Variants in FYB1 observed in about 807,000 individuals in gnomAD.
FYB1 encodes FYN binding protein 1.
In FYB1, 41 loss-of-function variants were observed where a neutral mutation model predicts 94.1. That is an observed-to-expected ratio of 0.44 (90% CI 0.34 to 0.57). The LOEUF is 0.57. Ranked by LOEUF, FYB1 falls within the 20% of genes least tolerant of loss-of-function variation. The pLI is 0.02. For missense variants in FYB1, 1,050 were observed against 976.8 expected, an observed-to-expected ratio of 1.07 and a Z score of -1.00; for synonymous variants, 367 against 353.2, an observed-to-expected ratio of 1.04 and a Z score of -0.44.
intron 1 of FYB1, among the ~76,000 whole-genome samples, chr5:39,265,719 C>G (rs1561318971): frequency 6.6e-6 from 1 of 152,104 alleles, no homozygotes; most frequent in Non-Finnish European, 1.5e-5. Flanking sequence ...CTTGACCCTC[C>G]CAGTGATTCT....
intron 16 of FYB1, among the ~76,000 whole-genome samples, chr5:39,115,772 A>T (rs1739505021): frequency 6.6e-6 from 1 of 152,202 alleles, no homozygotes; most frequent in African/African-American, 2.4e-5. Flanking sequence ...AGGAAAAATA[A>T]AAATGAAAGT....
intron 1 of FYB1, among the ~76,000 whole-genome samples, chr5:39,205,652 A>T (rs966749746): frequency 6.6e-6 from 1 of 152,170 alleles, no homozygotes; most frequent in African/African-American, 2.4e-5. Context: ...TTTAGAAAAT[A>T]TGGAAGTGGT....
At chr5:39,146,601 C>A (rs567809611) in intron 3 of FYB1, among the ~76,000 whole-genome samples, 19 of 152,148 alleles carry the variant, frequency 1.2e-4, no homozygotes, top group African/African-American at 4.3e-4. Flanking sequence ...ATCAAAAAGA[C>A]CACCAGATTT....
intron 1 of FYB1, among the ~76,000 whole-genome samples, chr5:39,239,215 G>C (rs1293247819): frequency 1.3e-5 from 2 of 151,988 alleles, no homozygotes; most frequent in Non-Finnish European, 2.9e-5. Flanking sequence ...ATACTAAATG[G>C]GCAAAAGCTG....
chr5:39,132,578 T>C lies in FYB1; in HGVS notation c.1817+1630A>G, dbSNP rs189430821. On this transcript the variant is annotated intron_variant, in intron 9 of 18. Transcript: ENST00000512982. ...ATGTTTACTAAAGTAGAGCAGGTTT[T>C]TAGAGTCGTGGTATGTATGGATTCA... 4.6e-5 allele frequency among the ~76,000 whole-genome samples: 7 copies of C among 152,320 alleles called. No homozygotes were observed. In the East Asian group the frequency reaches 1.3e-3, roughly 29 times the overall value.
At chr5:39,262,618 C>G (rs983584727) in intron 1 of FYB1, among the ~76,000 whole-genome samples, 1 of 151,910 alleles carries the variant, frequency 6.6e-6, no homozygotes, top group African/African-American at 2.4e-5. Flanking sequence ...GTTCTCATAC[C>G]CTCTATGCCA....
upstream of FYB1, among the ~76,000 whole-genome samples, chr5:39,219,810 G>A (rs900225501): frequency 6.6e-6 from 1 of 152,190 alleles, no homozygotes. Context: ...CTGCCACCAT[G>A]TTTATTCAAG....
chr5:39,233,030 G>A (rs1287873297), intron 1 of FYB1, among the ~76,000 whole-genome samples: 2 of 151,970 alleles, frequency 1.3e-5, no homozygotes, highest in Admixed American at 6.6e-5. Flanking sequence ...AGAAACATAC[G>A]TGTGCATGTG....
intron 1 of FYB1, among the ~76,000 whole-genome samples, chr5:39,243,284 T>G (rs1353006203): frequency 6.6e-6 from 1 of 152,062 alleles, no homozygotes; most frequent in Non-Finnish European, 1.5e-5. Flanking sequence ...GTCTAACATT[T>G]AAGTCTTTAA....
At position 39,119,068 on chromosome 5, in the gene FYB1, G is replaced by T. The variant is rs768292669; in HGVS notation, c.2239-32C>A. The T allele has an allele frequency of 2.9e-5, 31 of 1,076,828 alleles. 1 individual carries two copies. In the South Asian group the frequency reaches 5.7e-4, roughly 20 times the overall value. The allele number at this position is 1,076,828 out of a possible 1,614,324, so 66.7% of individuals were successfully genotyped here. A position where few individuals can be genotyped will look rare whatever the true frequency, so the allele number is the denominator to read the frequency against. On this transcript the variant is annotated intron_variant, in intron 15 of 18. Transcript: ENST00000512982. The stretch of plus-strand genomic sequence containing the variant: ...AAAAAAGAACAATATTTAAATTATT[G>T]GTTTATGTGCATTATTGAAACAACT...
intron 2 of FYB1, among the ~76,000 whole-genome samples, chr5:39,187,018 T>C (rs1463959026): frequency 6.6e-6 from 1 of 152,062 alleles, no homozygotes; most frequent in Non-Finnish European, 1.5e-5. Context: ...TCTTAACTCA[T>C]GATAAAAAAA....
intron 1 of FYB1, among the ~76,000 whole-genome samples, chr5:39,212,271 G>A (rs1361006020): frequency 6.6e-6 from 1 of 151,934 alleles, no homozygotes; most frequent in Non-Finnish European, 1.5e-5. Context: ...ATGCACCACT[G>A]TACTCTAGCC....
At chr5:39,113,988 T>C (rs1739306440) in intron 16 of FYB1, among the ~76,000 whole-genome samples, 1 of 152,098 alleles carries the variant, frequency 6.6e-6, no homozygotes, top group Admixed American at 6.6e-5. Context: ...ACATTTTAAC[T>C]CTCTAAATTT....
At chr5:39,265,520 G>A (rs192158566) in intron 1 of FYB1, among the ~76,000 whole-genome samples, 36 of 150,936 alleles carry the variant, frequency 2.4e-4, no homozygotes, top group African/African-American at 8.3e-4. Context: ...AGCTGGGGAT[G>A]GTGGTGGGCA....
chr5:39,195,417 A>G lies in FYB1; in HGVS notation c.1135+6409T>C, dbSNP rs371452517. Among the ~76,000 whole-genome samples, 587 of 152,332 alleles carry G rather than the reference A, an allele frequency of 3.9e-3. 5 individuals are homozygous for G. The highest frequency in any genetic ancestry group is 0.013 in the African/African-American group (556 of 41,578). ...GAATGGGGGGAAAAAGAAAGGTGAT[A>G]GCTTTGGGGCCTGTGAAGGAAAATC... On this transcript the variant is annotated intron_variant, in intron 2 of 18. Transcript: ENST00000512982.
intron 3 of FYB1, among the ~76,000 whole-genome samples, chr5:39,144,508 A>G (rs899877361): frequency 6.6e-6 from 1 of 152,092 alleles, no homozygotes; most frequent in Admixed American, 6.6e-5. Context: ...TATATCTTAA[A>G]AGAGAATAAC....
At chr5:39,169,416 G>A (rs1305747130) in intron 2 of FYB1, 4 of 748,658 alleles carry the variant, frequency 5.3e-6, no homozygotes, top group African/African-American at 1.7e-5. Flanking sequence ...ATTAGTTTCT[G>A]TGCCATTAAA....
intron 1 of FYB1, among the ~76,000 whole-genome samples, chr5:39,226,238 C>G (rs1750466424): frequency 6.6e-6 from 1 of 152,192 alleles, no homozygotes; most frequent in Non-Finnish European, 1.5e-5. Flanking sequence ...TCCCTCCAGT[C>G]TCAGTGCACC....
At chr5:39,136,728 C>A (rs1489555272) in intron 7 of FYB1, among the ~76,000 whole-genome samples, 1 of 152,158 alleles carries the variant, frequency 6.6e-6, no homozygotes, top group African/African-American at 2.4e-5. Context: ...ATTTTCCTTG[C>A]ACCATGCATT....
Sources: allele counts gnomAD v4.1 joint callset (sites outside exome capture counted in the v4.1 genomes callset), GRCh38; gene constraint gnomAD v4.1.1; transcripts MANE v1.5; gene names NCBI Gene and HGNC (gene_info 2026-07-23, HGNC 2026-07-21).